Variants in B4GALNT2 observed in about 807,000 individuals in gnomAD.
B4GALNT2 encodes the protein N-acetylneuraminylgalactosylglucosyl-glucoside beta-1,4-N- acetylgalactosaminyltransferase 2.
A neutral mutation model predicts 51.1 loss-of-function variants in B4GALNT2; 42 were observed. The ratio of observed to expected loss-of-function variants is 0.82; its 90% CI spans 0.64 to 1.06. The LOEUF (loss-of-function observed/expected upper bound fraction) is 1.06, where lower values mean the gene tolerates loss of function less well. Ranked by LOEUF, B4GALNT2 falls within the 50% of genes least tolerant of loss-of-function variation. B4GALNT2 has a pLI of 0.00. For missense variants in B4GALNT2, 602 were observed against 633.6 expected (o/e 0.95, Z 0.54); for synonymous variants, 253 against 251.7 (o/e 1.01, Z -0.05).
chr17:49,171,635 C>T lies in B4GALNT2; in HGVS notation c.*1907C>T, dbSNP rs183320863. On this transcript the variant is annotated 3_prime_UTR_variant, in exon 11 of 11. Coordinates refer to ENST00000393354, the MANE Select transcript of B4GALNT2 (RefSeq NM_001159387.2). The stretch of plus-strand genomic sequence containing the variant: ...TGGGAACTCTTGCTGTATTTCTTAC[C>T]ATTTCTACCATCTGACTGTTTTGTT... 5.1e-6 allele frequency: 2 copies of T among 391,806 alleles called. No homozygotes were observed. Among genetic ancestry groups the T allele is most frequent in the African/African-American group, 4.2e-5 (2 of 47,266 alleles). The allele number at this position is 391,806 out of a possible 1,614,324, so 24.3% of individuals were successfully genotyped here.
chr17:49,128,211 G>A (rs1192367801), upstream of B4GALNT2, among the ~76,000 whole-genome samples: 1 of 152,142 alleles, frequency 6.6e-6, no homozygotes, highest in African/African-American at 2.4e-5. Context: ...TGGAGAAAGG[G>A]CATAAACACA....
upstream of B4GALNT2, among the ~76,000 whole-genome samples, chr17:49,132,175 A>C (rs559749736): frequency 2.0e-5 from 3 of 152,270 alleles, no homozygotes; most frequent in South Asian, 6.2e-4. Context: ...AGAATACAAT[A>C]TAATCATGCG....
intron 3 of B4GALNT2, chr17:49,148,839 C>CTT: frequency 3.7e-6 from 1 of 267,882 alleles, no homozygotes; most frequent in Non-Finnish European, 7.2e-6. Flanking sequence ...AGGCGGATCA[C>CTT]GAGGTCAAGA....
intron 3 of B4GALNT2, among the ~76,000 whole-genome samples, chr17:49,147,374 CTTTCT>C (rs1598203617): frequency 4.2e-5 from 6 of 143,944 alleles, no homozygotes; most frequent in Admixed American, 7.1e-5. Flanking sequence ...TCTTTTCTTT[CTTTCT>C]TTTTTTTTTT....
At chr17:49,145,703 C>A (rs1451277547) in intron 3 of B4GALNT2, among the ~76,000 whole-genome samples, 1 of 152,118 alleles carries the variant, frequency 6.6e-6, no homozygotes, top group Non-Finnish European at 1.5e-5. Context: ...ACCTTAATCA[C>A]AGGGCATGGT....
chr17:49,144,610 C>T (rs1340828943), intron 3 of B4GALNT2, among the ~76,000 whole-genome samples: 1 of 152,020 alleles, frequency 6.6e-6, no homozygotes. Context: ...CTAATAACAC[C>T]TAGCTCCAGT....
intron 9 of B4GALNT2, among the ~76,000 whole-genome samples, chr17:49,168,087 G>A (rs143115551): frequency 1.3e-5 from 2 of 152,322 alleles, no homozygotes; most frequent in African/African-American, 4.8e-5. Flanking sequence ...GAAAGAACGG[G>A]TGATGGGGGA....
chr17:49,142,153 T>C lies in B4GALNT2; in HGVS notation c.334T>C (p.Phe112Leu), dbSNP rs1224283162. The stretch of plus-strand genomic sequence containing the variant: ...GGTGAAAGCGAGGAGACAGGCTGAA[T>C]TTGAACACTTTCAGAGGAGGTAATG... ...PAVKARRQAEFEHFQRREGLP... is the reference protein window; with the variant it reads ...PAVKARRQAELEHFQRREGLP... Residue 112 changes from phenylalanine to leucine, a missense_variant, in exon 3 of 11, where the codon TTT (phenylalanine) becomes CTT (leucine). Transcript: ENST00000393354. 2 of 1,614,032 alleles carry C rather than the reference T, an allele frequency of 1.2e-6. No individual in the cohort carries two copies. The highest frequency in any genetic ancestry group is 1.7e-6 in the Non-Finnish European group (2 of 1,179,992).
intron 3 of B4GALNT2, among the ~76,000 whole-genome samples, chr17:49,149,576 G>T (rs2042729868): frequency 6.6e-6 from 1 of 150,404 alleles, no homozygotes; most frequent in African/African-American, 2.5e-5. Context: ...GAACCCGGGA[G>T]GTGGAGTTTG....
Position 49,142,054 on chromosome 17 carries a change from T to G in B4GALNT2, c.235T>G (p.Cys79Gly). The G allele has an allele frequency of 6.2e-7, 1 of 1,614,154 alleles. No individual in the cohort carries two copies. Residue 79 changes from cysteine (C) to glycine (G), a missense_variant, in exon 3 of 11, where the codon TGC becomes GGC. Cys to Gly is a radical substitution (Grantham distance 159). Coordinates refer to ENST00000393354, the MANE Select transcript of B4GALNT2 (RefSeq NM_001159387.2). ...TTTCAGGCTGTTCCCGAAAAATCAG[T>G]GCAAATGTGAAGCCAACAAAGAGCA... ...DGIWLFPKNQ[C>G]KCEANKEQGG... is the part of the protein sequence containing the mutation.
At chr17:49,165,222 A>C (rs1055069607) in intron 8 of B4GALNT2, among the ~76,000 whole-genome samples, 1 of 151,750 alleles carries the variant, frequency 6.6e-6, no homozygotes, top group Non-Finnish European at 1.5e-5. Flanking sequence ...TGTCATCTCC[A>C]TGATTCTACC....
At chr17:49,140,613 C>T (rs568698889) in intron 1 of B4GALNT2, among the ~76,000 whole-genome samples, 3 of 151,698 alleles carry the variant, frequency 2.0e-5, no homozygotes, top group Non-Finnish European at 2.9e-5. Context: ...TAAAAGTTCA[C>T]GGCTATCTGT....
At chr17:49,154,375 G>T (rs2042788002) in intron 4 of B4GALNT2, among the ~76,000 whole-genome samples, 1 of 152,050 alleles carries the variant, frequency 6.6e-6, no homozygotes, top group South Asian at 2.1e-4. Context: ...CACCCCTCTA[G>T]TTCAGCATCA....
chr17:49,132,969 A>G, intron 1 of B4GALNT2, 163 bp downstream of exon 1: 4 of 1,419,624 alleles, frequency 2.8e-6, no homozygotes, highest in Non-Finnish European at 3.7e-6. Context: ...TTCCCCGCAT[A>G]GGTGGCTGCA....
At chr17:49,140,327 C>A (rs1308884398) in intron 1 of B4GALNT2, among the ~76,000 whole-genome samples, 9 of 152,070 alleles carry the variant, frequency 5.9e-5, no homozygotes, top group Admixed American at 5.9e-4. Flanking sequence ...GTCTCGATCT[C>A]CTGACCTCGT....
the B4GALNT2 span, among the ~76,000 whole-genome samples, chr17:49,125,835 A>G: frequency 2.1e-3 from 155 of 75,026 alleles, 1 homozygote; most frequent in Middle Eastern, 6.3e-3. Context: ...GGAAGTGAGG[A>G]GCCCCTCTGC....
In B4GALNT2 at chr17:49,141,356, C is replaced by A; in HGVS notation, c.124C>A (p.Pro42Thr). 1 of 1,614,138 alleles carries A rather than the reference C, an allele frequency of 6.2e-7. No homozygotes were observed. The highest frequency in any genetic ancestry group is 2.2e-5 in the East Asian group (1 of 44,872). Residue 42 changes from proline to threonine, a missense_variant, in exon 2 of 11, where the codon CCA (proline) becomes ACA (threonine). Physicochemically the swap from Pro to Thr is conservative, Grantham distance 38. Coordinates refer to ENST00000393354, the MANE Select transcript of B4GALNT2 (RefSeq NM_001159387.2). Reference sequence around the variant, plus strand: ...TCAAGCAGTGTTCAGCAGCCCCAAGCCAGAACTCCCAAGTCCTGCCCCGGG... The same window carrying A: ...TCAAGCAGTGTTCAGCAGCCCCAAGACAGAACTCCCAAGTCCTGCCCCGGG... Reference protein sequence around the residue: ...FLQAVFSSPKPELPSPAPGVQ... With the variant: ...FLQAVFSSPKTELPSPAPGVQ...
chr17:49,149,446 T>A (rs1040789611), intron 3 of B4GALNT2, among the ~76,000 whole-genome samples: 16 of 151,894 alleles, frequency 1.1e-4, no homozygotes, highest in African/African-American at 3.9e-4. Context: ...AGGAGTTCGA[T>A]ACCAGCCTGG....
chr17:49,133,080 G>C, intron 1 of B4GALNT2: 1 of 1,510,340 alleles, frequency 6.6e-7, no homozygotes, highest in Non-Finnish European at 8.8e-7. Flanking sequence ...GGCCTCTCGC[G>C]GCCGGGAATG....
Sources: gnomAD v4.1 joint callset for allele counts (sites outside exome capture counted in the v4.1 genomes callset) on GRCh38, gnomAD v4.1.1 for gene constraint, MANE v1.5 for transcripts, NCBI Gene and HGNC (gene_info 2026-07-23, HGNC 2026-07-21) for gene names.